BRINP3: variants seen among roughly 807,000 people sequenced by gnomAD.
BRINP3 encodes the protein BMP/retinoic acid inducible neural specific 3.
A neutral mutation model predicts 71.0 loss-of-function variants in BRINP3; 19 were observed. The ratio of observed to expected loss-of-function variants is 0.27; its 90% CI spans 0.19 to 0.39. The LOEUF is 0.39. Among genes scored for constraint, BRINP3 ranks in the 10% least tolerant of loss-of-function variants. The pLI, the probability that BRINP3 is intolerant of heterozygous loss-of-function variation, is 1.00. For synonymous variants in BRINP3, 380 were observed against 337.7 expected, an observed-to-expected ratio of 1.13 and a Z score of -1.37; for missense variants, 959 against 940.8, an observed-to-expected ratio of 1.02 and a Z score of -0.25.
chr1:190,212,524 T>TA (rs1435735945), intron 6 of BRINP3, among the ~76,000 whole-genome samples: 2 of 152,120 alleles, frequency 1.3e-5, no homozygotes, highest in African/African-American at 4.8e-5. Context: ...ATTATATGGA[T>TA]AGATGATACA....
intron 4 of BRINP3, among the ~76,000 whole-genome samples, chr1:190,260,273 T>C (rs1661070665): frequency 6.6e-6 from 1 of 151,960 alleles, no homozygotes; most frequent in Non-Finnish European, 1.5e-5. Flanking sequence ...TAGTGGAAAT[T>C]TGCAAAGAGA....
At chr1:190,434,372 G>A (rs1674311747) in intron 2 of BRINP3, among the ~76,000 whole-genome samples, 1 of 151,936 alleles carries the variant, frequency 6.6e-6, no homozygotes, top group Non-Finnish European at 1.5e-5. Context: ...GGCTTCCCAA[G>A]GTGCTAAGAT....
chr1:190,158,278 C>T (rs961067252), intron 7 of BRINP3, among the ~76,000 whole-genome samples: 6 of 152,088 alleles, frequency 3.9e-5, no homozygotes, highest in African/African-American at 1.4e-4. Flanking sequence ...ACTTGCTCCT[C>T]CTTGTCTTCT....
chr1:190,164,342 A>C, intron 6 of BRINP3, among the ~76,000 whole-genome samples: 1 of 152,112 alleles, frequency 6.6e-6, no homozygotes, highest in East Asian at 1.9e-4. Flanking sequence ...ATTTGTAAGT[A>C]ATTTCTTGAG....
Position 190,098,289 on chromosome 1 carries a change from G to A in BRINP3, c.2030C>T (p.Pro677Leu), listed in dbSNP as rs1651374575. The A allele has an allele frequency of 1.9e-6, 3 of 1,614,144 alleles. No individual in the cohort carries two copies. The South Asian group carries it at 3.3e-5, about 18-fold the overall frequency. Reference sequence around the variant, plus strand: ...CAAAATCAGGTCCCGAATTGCTTCAGGGTCAAAGTGCATGCTGTAGCCAAA... The same window carrying A: ...CAAAATCAGGTCCCGAATTGCTTCAAGGTCAAAGTGCATGCTGTAGCCAAA... Reference protein sequence around the residue: ...QVFGYSMHFDPEAIRDLILQL... With the variant: ...QVFGYSMHFDLEAIRDLILQL... Residue 677 changes from proline to leucine, a missense_variant, in exon 8 of 8, where the codon CCT (proline) becomes CTT (leucine). Transcript: ENST00000367462.
At chr1:190,464,667 A>T (rs1318668004) in intron 1 of BRINP3, among the ~76,000 whole-genome samples, 1 of 151,948 alleles carries the variant, frequency 6.6e-6, no homozygotes, top group Admixed American at 6.6e-5. Context: ...CCATTATATT[A>T]ATGTGCTAGC....
chr1:190,322,801 C>T (rs1324356100), intron 2 of BRINP3, among the ~76,000 whole-genome samples: 1 of 151,990 alleles, frequency 6.6e-6, no homozygotes, highest in East Asian at 1.9e-4. Flanking sequence ...CCTTTTAGTT[C>T]TACACTGTAT....
intron 7 of BRINP3, among the ~76,000 whole-genome samples, chr1:190,145,952 A>G (rs1655852652): frequency 6.6e-6 from 1 of 152,196 alleles, no homozygotes; most frequent in Admixed American, 6.5e-5. Flanking sequence ...TTGCTCAGGA[A>G]TGGAAAAACC....
chr1:190,148,347 C>A (rs78380021), intron 7 of BRINP3, among the ~76,000 whole-genome samples: 4,169 of 151,942 alleles, frequency 0.027, 183 homozygotes, highest in African/African-American at 0.095. Flanking sequence ...GTCATCCCAA[C>A]ACTTTGGGAG....
intron 2 of BRINP3, among the ~76,000 whole-genome samples, chr1:190,281,965 G>A (rs1663074323): frequency 6.6e-6 from 1 of 150,766 alleles, no homozygotes; most frequent in African/African-American, 2.4e-5. Flanking sequence ...GCCACCTAAA[G>A]TGTACAGCTT....
intron 2 of BRINP3, among the ~76,000 whole-genome samples, chr1:190,386,688 G>A (rs893523775): frequency 2.0e-5 from 3 of 151,702 alleles, no homozygotes; most frequent in Non-Finnish European, 4.4e-5. Flanking sequence ...AGCTTGGATG[G>A]GTAATTGGAG....
At chr1:190,371,777 A>G (rs1669883405) in intron 2 of BRINP3, among the ~76,000 whole-genome samples, 2 of 152,168 alleles carry the variant, frequency 1.3e-5, no homozygotes, top group South Asian at 4.1e-4. Context: ...ATATTGTTAA[A>G]TTTAACGATA....
At chr1:190,182,636 C>T (rs556166564) in intron 6 of BRINP3, among the ~76,000 whole-genome samples, 1 of 152,184 alleles carries the variant, frequency 6.6e-6, no homozygotes, top group South Asian at 2.1e-4. Flanking sequence ...TAATCTCTGG[C>T]TTGCATGATA....
At chr1:190,399,146 A>T (rs1429384719) in intron 2 of BRINP3, among the ~76,000 whole-genome samples, 3 of 152,028 alleles carry the variant, frequency 2.0e-5, no homozygotes, top group Non-Finnish European at 4.4e-5. Flanking sequence ...TATAAACTAA[A>T]TTCTATAACA....
intron 7 of BRINP3, among the ~76,000 whole-genome samples, chr1:190,130,482 T>G (rs562786739): frequency 2.6e-4 from 40 of 152,064 alleles, no homozygotes; most frequent in Non-Finnish European, 4.9e-4. Context: ...ATTTGCTAAC[T>G]ATGAAGGTCC....
chr1:190,468,247 T>C (rs1676893645), intron 1 of BRINP3, among the ~76,000 whole-genome samples: 1 of 151,320 alleles, frequency 6.6e-6, no homozygotes. Flanking sequence ...AATAAACTTA[T>C]TTACCTTACT....
rs184293717 is a variant in BRINP3 at position 190,441,231 on chromosome 1, T to C, written c.236+13424A>G. On this transcript the variant is annotated intron_variant, in intron 2 of 7. Transcript: ENST00000367462. ...ATGTGCTTCAGAGTTCAGTTTTCCA[T>C]ATTTTAGAGGGAAATGAGGAACACA... 3.1e-3 allele frequency among the ~76,000 whole-genome samples: 467 copies of C among 152,122 alleles called. 2 individuals carry two copies. Among genetic ancestry groups the C allele is most frequent in the African/African-American group, 0.011 (441 of 41,542 alleles).
chr1:190,336,495 G>C (rs1450940292), intron 2 of BRINP3, among the ~76,000 whole-genome samples: 1 of 151,882 alleles, frequency 6.6e-6, no homozygotes, highest in African/African-American at 2.4e-5. Flanking sequence ...TACTATATTG[G>C]TATGAAAATG....
At chr1:190,388,419 G>A (rs1671049279) in intron 2 of BRINP3, among the ~76,000 whole-genome samples, 1 of 151,770 alleles carries the variant, frequency 6.6e-6, no homozygotes, top group African/African-American at 2.4e-5. Flanking sequence ...CTGAATTAGT[G>A]TGGGCAGTAA....
Sources: gnomAD v4.1 joint callset for allele counts (sites outside exome capture counted in the v4.1 genomes callset) on GRCh38, gnomAD v4.1.1 for gene constraint, MANE v1.5 for transcripts, NCBI Gene and HGNC (gene_info 2026-07-23, HGNC 2026-07-21) for gene names.